RNF14: variants seen among roughly 807,000 people sequenced by gnomAD.
RNF14 encodes the protein E3 ubiquitin-protein ligase RNF14.
RNF14 carries 26 observed loss-of-function variants against 52.6 expected under a neutral mutation model. That is an observed-to-expected ratio of 0.49 (90% CI 0.36 to 0.69). The LOEUF is 0.69. Ranked by LOEUF, RNF14 falls within the 30% of genes least tolerant of loss-of-function variation. RNF14 has a pLI of 0.00. For missense variants in RNF14, 404 were observed against 560.4 expected, an observed-to-expected ratio of 0.72 and a Z score of 2.82; for synonymous variants, 194 against 202.0, an observed-to-expected ratio of 0.96 and a Z score of 0.34.
rs70991717 is a variant in RNF14, at chr5:141,976,776, C to CT, written c.307-1497dup. 1.8e-3 allele frequency among the ~76,000 whole-genome samples: 181 copies of CT among 100,054 alleles called. 8 individuals are homozygous for CT. Among genetic ancestry groups the CT allele is most frequent in the Non-Finnish European group, 2.8e-3 (145 of 51,246 alleles). 65.6% of individuals were successfully genotyped at this position (100,054 alleles called of 152,430 possible). On this transcript the variant is annotated intron_variant, in intron 4 of 8. Transcript: ENST00000394520. Reference sequence around the variant, plus strand: ...ATGCATTCCAGCTGCCTTTCTCTCTCTTTTTTTTTTTTTTTTTTTTTTTTT... The same window carrying CT: ...ATGCATTCCAGCTGCCTTTCTCTCTCTTTTTTTTTTTTTTTTTTTTTTTTTT...
chr5:141,979,922 G>A (rs962718190), intron 5 of RNF14, among the ~76,000 whole-genome samples: 2 of 152,024 alleles, frequency 1.3e-5, no homozygotes, highest in Admixed American at 6.6e-5. Flanking sequence ...AAAATAAATT[G>A]GACACTTTGC....
chr5:141,984,695 A>T, intron 7 of RNF14, 108 bp from the exon 8 acceptor site: 1 of 973,566 alleles, frequency 1.0e-6, no homozygotes. Flanking sequence ...AACCCTGCAT[A>T]AGAAAAGGGA....
At chr5:141,951,451 G>A in the RNF14 span, 1 of 1,470,796 alleles carries the variant, frequency 6.8e-7, no homozygotes, top group Admixed American at 1.7e-5. Context: ...GGGGCGGCCA[G>A]TAGGGGCCTT....
At chr5:141,976,182 C>T (rs1596682195) in intron 4 of RNF14, among the ~76,000 whole-genome samples, 2 of 152,334 alleles carry the variant, frequency 1.3e-5, no homozygotes, top group South Asian at 4.1e-4. Context: ...AGATGCAAGA[C>T]AGTTGATTTG....
rs1754966799 is a variant in RNF14 at position 141,983,544 on chromosome 5, C to T, written c.1228C>T (p.Pro410Ser). The change falls in exon 7 of 9, where the codon CCC becomes TCC. Residue 410 changes from proline to serine, a missense_variant. Transcript: ENST00000394520. ...NSKSCPCCGT[P>S]IEKLDGCNKM... ...AAAGAGCTGCCCATGTTGTGGAACT[C>T]CCATAGAGGTAAATGTTTTGGGACA... 2 of 1,609,124 alleles carry T rather than the reference C, an allele frequency of 1.2e-6. No individual in the cohort carries two copies. Among genetic ancestry groups the T allele is most frequent in the Non-Finnish European group, 1.7e-6 (2 of 1,179,182 alleles).
intron 3 of RNF14, 130 bp downstream of exon 3, chr5:141,973,872 T>C: frequency 1.3e-6 from 1 of 760,826 alleles, no homozygotes; most frequent in African/African-American, 1.8e-5. Flanking sequence ...TGCATGTTTC[T>C]GTTTTAAATG....
the RNF14 span, among the ~76,000 whole-genome samples, chr5:141,950,091 A>C: frequency 6.6e-6 from 1 of 152,174 alleles, no homozygotes; most frequent in Non-Finnish European, 1.5e-5. Context: ...GTGCTGAATG[A>C]GTGACTGAAC....
At chr5:141,960,238 C>A (rs1342683617) in intron 1 of RNF14, among the ~76,000 whole-genome samples, 1 of 152,178 alleles carries the variant, frequency 6.6e-6, no homozygotes, top group Non-Finnish European at 1.5e-5. Context: ...TGACAGTGAA[C>A]AAGGCAAGGG....
At chr5:141,955,043 G>A (rs1183621011), upstream of RNF14, 19 of 1,614,222 alleles carry the variant, frequency 1.2e-5, no homozygotes, top group Non-Finnish European at 1.5e-5. This position sits in a 1 kb window ranked among gnomAD's most constrained non-coding sequence, Gnocchi z 5.5. Context: ...ACAGACAGCC[G>A]GACCAGGCTC....
chr5:141,984,717 C>A, intron 7 of RNF14, 86 bp from the exon 8 acceptor site: 1 of 1,264,190 alleles, frequency 7.9e-7, no homozygotes, highest in Non-Finnish European at 1.1e-6. Context: ...AGGACCAAGA[C>A]AATGTTGTAC....
At chr5:141,953,211 T>C in the RNF14 span, 1 of 152,278 alleles carries the variant, frequency 6.6e-6, no homozygotes, top group African/African-American at 2.4e-5. Flanking sequence ...AATATGTCCC[T>C]GCCCCAGTTC....
At chr5:141,956,962 A>G (rs769285916), upstream of RNF14, 7 of 1,614,044 alleles carry the variant, frequency 4.3e-6, no homozygotes, top group African/African-American at 8.0e-5. Flanking sequence ...CTTGGCATCA[A>G]TACTGAAGGT....
intron 1 of RNF14, among the ~76,000 whole-genome samples, chr5:141,961,206 G>A (rs1329622993): frequency 6.7e-6 from 1 of 148,786 alleles, no homozygotes; most frequent in Non-Finnish European, 1.5e-5. Flanking sequence ...TATCTGTTGG[G>A]TGTGTGTGTG....
chr5:141,965,387 T>C (rs1170140415), upstream of RNF14, among the ~76,000 whole-genome samples: 1 of 152,154 alleles, frequency 6.6e-6, no homozygotes, highest in East Asian at 1.9e-4. Flanking sequence ...CTGTAACCTC[T>C]CCTCTCCCTA....
At chr5:141,987,200 G>T (rs1280593140) in intron 8 of RNF14, among the ~76,000 whole-genome samples, 1 of 152,208 alleles carries the variant, frequency 6.6e-6, no homozygotes, top group African/African-American at 2.4e-5. Flanking sequence ...ATGACCAGGT[G>T]TGTCTGGCCT....
the RNF14 span, chr5:141,951,569 A>G: frequency 1.9e-5 from 30 of 1,614,088 alleles, no homozygotes; most frequent in African/African-American, 3.7e-4. Flanking sequence ...TGATGCAGCA[A>G]GGACAGCAGC....
intron 7 of RNF14, 90 bp from the exon 8 acceptor site, chr5:141,984,713 A>G (rs1265009791): frequency 8.2e-7 from 1 of 1,226,684 alleles, no homozygotes; most frequent in East Asian, 2.3e-5. Context: ...GGAGAGGACC[A>G]AGACAATGTT....
At position 141,976,805 on chromosome 5, in the gene RNF14, T is replaced by C. The variant is rs1467247883; in HGVS notation, c.307-1498T>C. On this transcript the variant is annotated intron_variant, in intron 4 of 8. Coordinates refer to ENST00000394520, the MANE Select transcript of RNF14 (RefSeq NM_004290.5). ...TTTTTTTTTTTTTTTTTTTTTTTTT[T>C]TGAGATGGAGTCTTGCTCTGTCACC... Among the ~76,000 whole-genome samples, 7 of 105,908 alleles carry C rather than the reference T, an allele frequency of 6.6e-5. No homozygotes were observed. The Admixed American group carries it at 6.9e-4, about 10-fold the overall frequency. The allele number at this position is 105,908 out of a possible 152,430, so 69.5% of individuals were successfully genotyped here. A position where few individuals can be genotyped will look rare whatever the true frequency, so the allele number is the denominator to read the frequency against.
At chr5:141,967,161 G>A (rs1753371478), upstream of RNF14, among the ~76,000 whole-genome samples, 1 of 152,162 alleles carries the variant, frequency 6.6e-6, no homozygotes, top group African/African-American at 2.4e-5. Context: ...TGGGTGCCCT[G>A]ATTTACTCAC....
Sources: allele counts gnomAD v4.1 joint callset (sites outside exome capture counted in the v4.1 genomes callset), GRCh38; gene constraint gnomAD v4.1.1; non-coding constraint Gnocchi (gnomAD v3.1); transcripts MANE v1.5; gene names NCBI Gene and HGNC (gene_info 2026-07-23, HGNC 2026-07-21).